The following HSD17B4 variants were observed in gnomAD, a reference collection of about 807,000 sequenced individuals.
HSD17B4 encodes hydroxysteroid 17-beta dehydrogenase 4, also known as peroxisomal multifunctional enzyme type 2.
A neutral mutation model predicts 101.0 loss-of-function variants in HSD17B4; 70 were observed. That is an observed-to-expected ratio of 0.69 (90% CI 0.57 to 0.85). The LOEUF is 0.85. Among genes scored for constraint, HSD17B4 ranks in the 40% least tolerant of loss-of-function variants. The pLI is 0.00. For synonymous variants in HSD17B4, 347 were observed against 297.1 expected (o/e 1.17, Z -1.73); for missense variants, 984 against 892.4 (o/e 1.10, Z -1.31).
At chr5:119,503,411 T>G (rs532236665) in intron 14 of HSD17B4, among the ~76,000 whole-genome samples, 1 of 152,312 alleles carries the variant, frequency 6.6e-6, no homozygotes, top group Admixed American at 6.5e-5. Flanking sequence ...TCTCATGAAT[T>G]ATTTTTTCTC....
At chr5:119,465,270 G>T (rs1035601281) in intron 2 of HSD17B4, among the ~76,000 whole-genome samples, 1 of 152,060 alleles carries the variant, frequency 6.6e-6, no homozygotes, top group Non-Finnish European at 1.5e-5. Context: ...TTCTTTTTCA[G>T]CTAGTTTGGT....
intron 2 of HSD17B4, among the ~76,000 whole-genome samples, chr5:119,466,339 T>A (rs1271699395): frequency 6.6e-6 from 1 of 152,168 alleles, no homozygotes; most frequent in Non-Finnish European, 1.5e-5. Flanking sequence ...TTGGAAGAAA[T>A]CTGTTCCCTC....
rs1219172624 is a variant in HSD17B4 at position 119,529,912 on chromosome 5, A to G, written c.1786A>G (p.Ile596Val). Residue 596 changes from isoleucine (I) to valine (V), a missense_variant, in exon 21 of 24, where the codon ATT (isoleucine) becomes GTT (valine). Transcript: ENST00000510025. ...TCCTAAGGTCCAAGAAACTGGAGAC[A>G]TTGTCATTTCAAATGCATATGTGGA... The part of the protein sequence containing the change: ...FQTKVQETGD[I>V]VISNAYVDLA... 8.1e-6 allele frequency: 13 copies of G among 1,604,770 alleles called. No individual in the cohort carries two copies. The highest frequency in any genetic ancestry group is 1.1e-5 in the Non-Finnish European group (13 of 1,172,222).
intron 8 of HSD17B4, among the ~76,000 whole-genome samples, chr5:119,486,018 C>G (rs1749581466): frequency 6.6e-6 from 1 of 152,114 alleles, no homozygotes; most frequent in African/African-American, 2.4e-5. Flanking sequence ...GGATTTACTT[C>G]CAAGCTCATT....
chr5:119,533,790 T>C (rs982799370), intron 22 of HSD17B4, among the ~76,000 whole-genome samples: 14 of 152,132 alleles, frequency 9.2e-5, no homozygotes, highest in Non-Finnish European at 1.6e-4. Flanking sequence ...ACCACCTTGC[T>C]TCATGACATG....
intron 2 of HSD17B4, among the ~76,000 whole-genome samples, chr5:119,473,229 G>A (rs145657885): frequency 1.7e-5 from 2 of 118,402 alleles, no homozygotes; most frequent in African/African-American, 3.1e-5. Flanking sequence ...ATCTTAAAGC[G>A]ATTTTCACAT....
chr5:119,506,481 G>T (rs1334514693), intron 14 of HSD17B4, among the ~76,000 whole-genome samples: 2 of 152,168 alleles, frequency 1.3e-5, no homozygotes, highest in African/African-American at 4.8e-5. Flanking sequence ...AAATATACGT[G>T]TGCATGTGTC....
Position 119,531,284 on chromosome 5 carries a change from A to G in HSD17B4, c.1873A>G (p.Thr625Ala), listed in dbSNP as rs1446593078. 6.2e-7 allele frequency: 1 copy of G among 1,613,672 alleles called. No homozygotes were observed. The highest frequency in any genetic ancestry group is 1.7e-4 in the Middle Eastern group (1 of 6,056). ...TPSEGGKLQSTFVFEEIGRRL... is the reference protein window; with the variant it reads ...TPSEGGKLQSAFVFEEIGRRL... ...TTGTTAGGGCGGGAAGCTTCAGAGT[A>G]CCTTTGTATTTGAGGAAATAGGACG... The change falls in exon 22 of 24, where the codon ACC becomes GCC. Residue 625 changes from threonine (T) to alanine (A), a missense_variant. Thr to Ala is a moderately conservative substitution (Grantham distance 58, BLOSUM62 0). Coordinates refer to ENST00000510025, the MANE Select transcript of HSD17B4 (RefSeq NM_000414.4).
At chr5:119,514,503 A>G (rs1218913594) in intron 16 of HSD17B4, among the ~76,000 whole-genome samples, 3 of 152,210 alleles carry the variant, frequency 2.0e-5, no homozygotes, top group Non-Finnish European at 2.9e-5. Flanking sequence ...ATCAAAAAGG[A>G]ATTTTAAGTG....
chr5:119,511,632 C>T (rs1347380424), intron 16 of HSD17B4, among the ~76,000 whole-genome samples: 3 of 151,966 alleles, frequency 2.0e-5, no homozygotes, highest in Non-Finnish European at 2.9e-5. Context: ...CCTGCTAAAA[C>T]CAGTGTCATC....
chr5:119,526,122 C>T, intron 19 of HSD17B4, 99 bp downstream of exon 19: 1 of 763,484 alleles, frequency 1.3e-6, no homozygotes. Flanking sequence ...AGATATTGTA[C>T]TACAGCAATG....
chr5:119,519,383 A>G (rs947441462), intron 17 of HSD17B4, among the ~76,000 whole-genome samples: 5 of 152,232 alleles, frequency 3.3e-5, no homozygotes, highest in East Asian at 1.9e-4. Context: ...CAGTTCTAGT[A>G]TCCAGTAAAA....
chr5:119,527,502 C>A (rs559779197), intron 20 of HSD17B4, among the ~76,000 whole-genome samples: 1 of 151,936 alleles, frequency 6.6e-6, no homozygotes, highest in Non-Finnish European at 1.5e-5. Flanking sequence ...GAAAACCCAG[C>A]CAACCATGTC....
chr5:119,458,112 G>A (rs866881928), intron 2 of HSD17B4, among the ~76,000 whole-genome samples: 29 of 152,252 alleles, frequency 1.9e-4, no homozygotes, highest in Middle Eastern at 3.4e-3. Flanking sequence ...TAGTAGAGAT[G>A]ATAATTGTGT....
chr5:119,459,354 A>G lies in HSD17B4; in HGVS notation c.112+2986A>G, dbSNP rs572640955. Among the ~76,000 whole-genome samples the G allele has an allele frequency of 1.5e-4, 23 of 152,344 alleles. 1 individual carries two copies. In the South Asian group the frequency reaches 2.5e-3, roughly 16 times the overall value. On this transcript the variant is annotated intron_variant, in intron 2 of 23. Coordinates refer to ENST00000510025, the MANE Select transcript of HSD17B4 (RefSeq NM_000414.4). ...TCGGAAAGGGAAGAGAAAGGAACCA[A>G]TATCAGTCCCTGCTTACCATATATG...
chr5:119,474,978 A>C (rs1452134060), intron 4 of HSD17B4, among the ~76,000 whole-genome samples: 5 of 152,156 alleles, frequency 3.3e-5, no homozygotes, highest in Non-Finnish European at 7.4e-5. Context: ...TTAATAAAAG[A>C]TTATTTAACT....
chr5:119,468,370 A>G (rs777380024), intron 2 of HSD17B4, among the ~76,000 whole-genome samples: 21 of 150,090 alleles, frequency 1.4e-4, no homozygotes, highest in Admixed American at 1.3e-4. Flanking sequence ...TCTGAAGGAT[A>G]GCTTGCTGGA....
chr5:119,486,693 T>C (rs997900323), intron 8 of HSD17B4, among the ~76,000 whole-genome samples: 4 of 152,150 alleles, frequency 2.6e-5, no homozygotes, highest in African/African-American at 9.7e-5. Context: ...AATGAACATA[T>C]CGGTTGCTTT....
In HSD17B4 at chr5:119,499,249, G is replaced by A; in HGVS notation, c.973-68G>A. ...CACATCTATTCAAAAACAAAACTAG[G>A]TATGTAAGAAGTTAATAGTTTTGAA... On this transcript the variant is annotated intron_variant, in intron 12 of 23. Coordinates refer to ENST00000510025, the MANE Select transcript of HSD17B4 (RefSeq NM_000414.4). 5 of 1,009,996 alleles carry A rather than the reference G, an allele frequency of 5.0e-6. No homozygotes were observed. In the South Asian group the frequency reaches 6.4e-5, roughly 13 times the overall value. The allele number at this position is 1,009,996 out of a possible 1,614,324, so 62.6% of individuals were successfully genotyped here. A position where few individuals can be genotyped will look rare whatever the true frequency, so the allele number is the denominator to read the frequency against.
Sources: allele counts gnomAD v4.1 joint callset (sites outside exome capture counted in the v4.1 genomes callset), GRCh38; gene constraint gnomAD v4.1.1; transcripts MANE v1.5; gene names NCBI Gene and HGNC (gene_info 2026-07-23, HGNC 2026-07-21).